STXBP4: variants seen among roughly 807,000 people sequenced by gnomAD.
STXBP4 encodes the protein syntaxin binding protein 4.
A neutral mutation model predicts 76.1 loss-of-function variants in STXBP4; 55 were observed. The observed-to-expected ratio is 0.72, with a 90% confidence interval of 0.58 to 0.91. The LOEUF is 0.91. Among genes scored for constraint, STXBP4 ranks in the 40% least tolerant of loss-of-function variants. STXBP4 has a pLI of 0.00. For synonymous variants in STXBP4, 201 were observed against 220.2 expected, an observed-to-expected ratio of 0.91 and a Z score of 0.77; for missense variants, 618 against 636.9, an observed-to-expected ratio of 0.97 and a Z score of 0.32.
At chr17:55,051,715 A>G (rs2078861759) in intron 12 of STXBP4, among the ~76,000 whole-genome samples, 1 of 152,120 alleles carries the variant, frequency 6.6e-6, no homozygotes, top group Non-Finnish European at 1.5e-5. Flanking sequence ...GTGACTAGCC[A>G]CTGTATTCCA....
intron 16 of STXBP4, among the ~76,000 whole-genome samples, chr17:55,137,021 C>T (rs927749584): frequency 6.6e-6 from 1 of 151,842 alleles, no homozygotes; most frequent in African/African-American, 2.4e-5. Context: ...TCATGCTAAC[C>T]CCCTAAGCTA....
intron 7 of STXBP4, among the ~76,000 whole-genome samples, chr17:55,005,870 A>G (rs973316534): frequency 6.6e-6 from 1 of 152,128 alleles, no homozygotes; most frequent in African/African-American, 2.4e-5. Flanking sequence ...ACTCCATGCT[A>G]TCTTTATACT....
intron 13 of STXBP4, 132 bp from the exon 14 acceptor site, chr17:55,077,946 C>A (rs1016068453): frequency 9.4e-6 from 5 of 534,538 alleles, no homozygotes; most frequent in Non-Finnish European, 1.6e-5. Flanking sequence ...CCCCCAAAAT[C>A]AAAACATATG....
At chr17:55,076,210 C>A (rs916401982) in intron 13 of STXBP4, among the ~76,000 whole-genome samples, 2 of 152,076 alleles carry the variant, frequency 1.3e-5, no homozygotes, top group Non-Finnish European at 2.9e-5. Flanking sequence ...TTAGTTCTTT[C>A]TTTACTTTTA....
At chr17:54,988,177 CAATTCAGAAAATATATGGATATT>C (rs1177341244) in intron 3 of STXBP4, among the ~76,000 whole-genome samples, 7 of 151,982 alleles carry the variant, frequency 4.6e-5, no homozygotes, top group Non-Finnish European at 8.8e-5. Context: ...AGTATGATAG[CAATTCAGAAAATATATGGATATT>C]AATTCAGAAA....
rs1387516102 is a variant in STXBP4 at position 55,168,614 on chromosome 17, AATC to A, written c.*8706_*8708del. The A allele has an allele frequency of 1.3e-5, 2 of 152,216 alleles. No homozygotes were observed. Among genetic ancestry groups the A allele is most frequent in the Non-Finnish European group, 2.9e-5 (2 of 68,038 alleles). 9.4% of individuals were successfully genotyped at this position (152,216 alleles called of 1,614,324 possible). A position where few individuals can be genotyped will look rare whatever the true frequency, so the allele number is the denominator to read the frequency against. ...AACTGTTTCAGCATAGATTTTTAAAAATCATGTGTGTAAAAGAGAATGAAATAT... is the reference window on the plus strand; with the variant it reads ...AACTGTTTCAGCATAGATTTTTAAAAATGTGTGTAAAAGAGAATGAAATAT... On this transcript the variant is annotated 3_prime_UTR_variant, in exon 18 of 18. Transcript: ENST00000376352.
chr17:55,104,356 A>G lies in STXBP4; in HGVS notation c.1489+23173A>G, dbSNP rs116967786. On this transcript the variant is annotated intron_variant, in intron 16 of 17. Coordinates refer to ENST00000376352, the MANE Select transcript of STXBP4 (RefSeq NM_178509.6). ...ATGAATGGGTGTTGAATTTTATGGA[A>G]GGCCTTTTCTCTATCTATGGAGATA... 3.4e-3 allele frequency among the ~76,000 whole-genome samples: 525 copies of G among 152,284 alleles called. 13 individuals are homozygous for G. Among genetic ancestry groups the G allele is most frequent in the Middle Eastern group, 0.027 (8 of 294 alleles).
chr17:55,036,368 A>T lies in STXBP4; in HGVS notation c.855+2109A>T, dbSNP rs1431276444. On this transcript the variant is annotated intron_variant, in intron 10 of 17. Transcript: ENST00000376352. ...CTTCTTTGATGTCAATATATCTTAT[A>T]TATTTTTAATTAATTATATTTTAAT... Among the ~76,000 whole-genome samples the T allele has an allele frequency of 2.7e-5, 4 of 150,560 alleles. No individual in the cohort carries two copies. The South Asian group carries it at 6.3e-4, about 24-fold the overall frequency.
At chr17:55,037,480 G>T (rs894298377) in intron 10 of STXBP4, among the ~76,000 whole-genome samples, 1 of 145,988 alleles carries the variant, frequency 6.8e-6, no homozygotes, top group Non-Finnish European at 1.5e-5. Flanking sequence ...TAGTTTGGAA[G>T]TTGTTGGGAT....
At chr17:55,015,238 C>T (rs940651632) in intron 8 of STXBP4, among the ~76,000 whole-genome samples, 4 of 152,140 alleles carry the variant, frequency 2.6e-5, no homozygotes, top group African/African-American at 4.8e-5. Context: ...CCTAGTTTTC[C>T]TTAGTCCTTC....
the STXBP4 span, among the ~76,000 whole-genome samples, chr17:55,178,657 T>C: frequency 6.6e-6 from 1 of 152,320 alleles, no homozygotes; most frequent in East Asian, 1.9e-4. Flanking sequence ...AGGCTGTGAA[T>C]TCCCATGACC....
At chr17:55,064,321 C>G (rs1043078252) in intron 12 of STXBP4, among the ~76,000 whole-genome samples, 1 of 151,726 alleles carries the variant, frequency 6.6e-6, no homozygotes, top group African/African-American at 2.4e-5. Flanking sequence ...TGCCACATGC[C>G]CTTTATCTTG....
rs1199385919 is a variant in STXBP4, at chr17:55,103,463, A to G, written c.1489+22280A>G. 2.6e-5 allele frequency among the ~76,000 whole-genome samples: 4 copies of G among 151,070 alleles called. No individual in the cohort carries two copies. The East Asian group carries it at 5.8e-4, about 22-fold the overall frequency. Reference sequence around the variant, plus strand: ...TGTAGTGTATAGCATTATTTTTGAGACCTCTGTTCTGTTCCATTGGTCTAT... The same window carrying G: ...TGTAGTGTATAGCATTATTTTTGAGGCCTCTGTTCTGTTCCATTGGTCTAT... On this transcript the variant is annotated intron_variant, in intron 16 of 17. Coordinates refer to ENST00000376352, the MANE Select transcript of STXBP4 (RefSeq NM_178509.6).
chr17:55,084,970 C>T (rs1440951187), intron 16 of STXBP4, among the ~76,000 whole-genome samples: 5 of 152,062 alleles, frequency 3.3e-5, no homozygotes, highest in African/African-American at 1.2e-4. Flanking sequence ...AAATGTCCAA[C>T]AATGATAGAC....
intron 13 of STXBP4, 77 bp downstream of exon 13, chr17:55,073,153 C>A: frequency 7.4e-7 from 1 of 1,346,624 alleles, no homozygotes; most frequent in Non-Finnish European, 1.1e-6. Flanking sequence ...ATTTTCTTTT[C>A]ATCTGCACTT....
chr17:55,133,618 G>A (rs1230276842), intron 16 of STXBP4, among the ~76,000 whole-genome samples: 2 of 152,180 alleles, frequency 1.3e-5, no homozygotes, highest in Non-Finnish European at 2.9e-5. Flanking sequence ...TAGAGACTGG[G>A]GAGATGAGAA....
chr17:55,198,164 A>C, the STXBP4 span, among the ~76,000 whole-genome samples: 1 of 152,220 alleles, frequency 6.6e-6, no homozygotes, highest in East Asian at 1.9e-4. Context: ...TGAAGTTACA[A>C]AGTTACACTC....
chr17:55,115,132 C>T (rs373630317), intron 16 of STXBP4, among the ~76,000 whole-genome samples: 2 of 151,742 alleles, frequency 1.3e-5, no homozygotes, highest in Non-Finnish European at 2.9e-5. Flanking sequence ...GTTATTAAAA[C>T]GTAAAATGCT....
At chr17:55,114,725 C>A (rs2145068047) in intron 16 of STXBP4, among the ~76,000 whole-genome samples, 1 of 152,028 alleles carries the variant, frequency 6.6e-6, no homozygotes, top group South Asian at 2.1e-4. Flanking sequence ...TGTCAAGTAG[C>A]ATCAAGGCTG....
Sources: allele counts gnomAD v4.1 joint callset (sites outside exome capture counted in the v4.1 genomes callset), GRCh38; gene constraint gnomAD v4.1.1; transcripts MANE v1.5; gene names NCBI Gene and HGNC (gene_info 2026-07-23, HGNC 2026-07-21).